SGCZ: variants seen among roughly 807,000 people sequenced by gnomAD.
SGCZ encodes the protein zeta-sarcoglycan.
In SGCZ, 40 loss-of-function variants were observed where a neutral mutation model predicts 41.3. The ratio of observed to expected loss-of-function variants is 0.97; its 90% CI spans 0.75 to 1.26. The LOEUF (loss-of-function observed/expected upper bound fraction) is 1.26. Ranked by LOEUF, SGCZ falls within the 50% of genes most tolerant of loss-of-function variation. The pLI, the probability that SGCZ is intolerant of heterozygous loss-of-function variation, is 0.00. For missense variants in SGCZ, 552 were observed against 369.8 expected, an observed-to-expected ratio of 1.49 and a Z score of -4.04; for synonymous variants, 206 against 137.5, an observed-to-expected ratio of 1.50 and a Z score of -3.49.
chr8:14,474,320 C>A (rs1169527701), intron 2 of SGCZ, among the ~76,000 whole-genome samples: 1 of 152,164 alleles, frequency 6.6e-6, no homozygotes, highest in Admixed American at 6.5e-5. Context: ...TTTTAAAAAT[C>A]TTAAAAATCC....
chr8:14,450,495 T>C (rs886413210), intron 2 of SGCZ, among the ~76,000 whole-genome samples: 1 of 152,210 alleles, frequency 6.6e-6, no homozygotes, highest in Non-Finnish European at 1.5e-5. Flanking sequence ...TACAGTCATA[T>C]GCCTTATCGA....
chr8:14,501,973 C>T (rs1374730641), intron 2 of SGCZ, among the ~76,000 whole-genome samples: 1 of 151,750 alleles, frequency 6.6e-6, no homozygotes, highest in African/African-American at 2.4e-5. Flanking sequence ...AAGTATAATC[C>T]ATAATCATTT....
chr8:14,292,047 G>A (rs1247264435), intron 3 of SGCZ, among the ~76,000 whole-genome samples: 2 of 152,000 alleles, frequency 1.3e-5, no homozygotes, highest in African/African-American at 4.8e-5. Flanking sequence ...GTAATAGGTG[G>A]AAGCTTCTTT....
At chr8:14,998,655 A>G (rs1802303670) in intron 1 of SGCZ, among the ~76,000 whole-genome samples, 1 of 152,244 alleles carries the variant, frequency 6.6e-6, no homozygotes, top group South Asian at 2.1e-4. Context: ...GAATTTTACT[A>G]GGTATAAATG....
chr8:14,701,360 G>A (rs890923301), intron 1 of SGCZ, among the ~76,000 whole-genome samples: 1 of 151,896 alleles, frequency 6.6e-6, no homozygotes, highest in African/African-American at 2.4e-5. Flanking sequence ...TCTCCCCTGA[G>A]TGGTGAGAAT....
chr8:14,199,478 T>C (rs1805385581), intron 4 of SGCZ, among the ~76,000 whole-genome samples: 1 of 152,158 alleles, frequency 6.6e-6, no homozygotes, highest in African/African-American at 2.4e-5. Flanking sequence ...ATTTGCCTTG[T>C]GATATTTTAT....
At chr8:14,849,066 C>T (rs189948348) in intron 1 of SGCZ, among the ~76,000 whole-genome samples, 40 of 151,960 alleles carry the variant, frequency 2.6e-4, no homozygotes, top group African/African-American at 8.4e-4. Context: ...GGAAAATAAA[C>T]GTGAGGAAAG....
chr8:14,901,453 GT>G (rs1563350117), intron 1 of SGCZ, among the ~76,000 whole-genome samples: 1 of 152,074 alleles, frequency 6.6e-6, no homozygotes, highest in Non-Finnish European at 1.5e-5. Context: ...AGGCGTATAC[GT>G]TTTTCCTTTC....
At chr8:15,170,008 G>A (rs1024523526) in intron 1 of SGCZ, among the ~76,000 whole-genome samples, 2 of 152,114 alleles carry the variant, frequency 1.3e-5, no homozygotes, top group African/African-American at 4.8e-5. Flanking sequence ...TTGTGGCCAG[G>A]AAAAAGGACA....
At chr8:14,830,351 G>A (rs1255638787) in intron 1 of SGCZ, among the ~76,000 whole-genome samples, 1 of 151,838 alleles carries the variant, frequency 6.6e-6, no homozygotes, top group Admixed American at 6.6e-5. Context: ...GAAGTACTCT[G>A]TATGACATCA....
At chr8:14,648,246 C>T (rs1055123911) in intron 1 of SGCZ, among the ~76,000 whole-genome samples, 21 of 152,176 alleles carry the variant, frequency 1.4e-4, no homozygotes, top group African/African-American at 4.6e-4. Flanking sequence ...TTAGTACTAT[C>T]GGTAACCAAG....
rs1236875094 is a variant in SGCZ at position 14,831,627 on chromosome 8, C to A, written c.40-276701G>T. Among the ~76,000 whole-genome samples, 9 of 127,994 alleles carry A rather than the reference C, an allele frequency of 7.0e-5. No individual in the cohort carries two copies. In the Admixed American group the frequency reaches 7.1e-4, roughly 10 times the overall value. The allele number at this position is 127,994 out of a possible 152,430, so 84.0% of individuals were successfully genotyped here. On this transcript the variant is annotated intron_variant, in intron 1 of 7. Transcript: ENST00000382080. ...GTGTGTGTGTGTGTGTACACATAGA[C>A]ACATATGTGTGTGTGTGTATATATA...
At chr8:14,338,184 A>G (rs145533192) in intron 2 of SGCZ, among the ~76,000 whole-genome samples, 10 of 152,262 alleles carry the variant, frequency 6.6e-5, no homozygotes, top group Non-Finnish European at 1.3e-4. Flanking sequence ...AGTAAATGGA[A>G]AAGTGCAGTC....
chr8:14,601,580 C>T lies in SGCZ; in HGVS notation c.40-46654G>A, dbSNP rs780262923. ...TTTCTTCCCTGAACCTGTTCTAATA[C>T]GTAGAGCATACAAGTTGGTAGTTGG... On this transcript the variant is annotated intron_variant, in intron 1 of 7. Coordinates refer to ENST00000382080, the MANE Select transcript of SGCZ (RefSeq NM_139167.4). 2.0e-5 allele frequency among the ~76,000 whole-genome samples: 3 copies of T among 151,980 alleles called. No individual in the cohort carries two copies. In the East Asian group the frequency reaches 5.8e-4, roughly 29 times the overall value.
chr8:14,850,368 A>T (rs1048294933), intron 1 of SGCZ, among the ~76,000 whole-genome samples: 3 of 152,192 alleles, frequency 2.0e-5, no homozygotes, highest in African/African-American at 7.2e-5. Flanking sequence ...AAACATTAGC[A>T]TACAGTATTG....
At chr8:14,398,888 T>C (rs1444135217) in intron 2 of SGCZ, among the ~76,000 whole-genome samples, 2 of 152,122 alleles carry the variant, frequency 1.3e-5, no homozygotes, top group African/African-American at 4.8e-5. Flanking sequence ...TTCATTCCAG[T>C]GTTTCTTTGG....
chr8:14,834,205 A>C (rs1391541945), intron 1 of SGCZ, among the ~76,000 whole-genome samples: 1 of 152,216 alleles, frequency 6.6e-6, no homozygotes, highest in Non-Finnish European at 1.5e-5. Flanking sequence ...TCCTTAAAGA[A>C]ATTCCTGATG....
At chr8:15,099,559 C>T (rs1278892895) in intron 1 of SGCZ, among the ~76,000 whole-genome samples, 4 of 152,066 alleles carry the variant, frequency 2.6e-5, no homozygotes, top group Admixed American at 6.6e-5. Context: ...AATTCACTAC[C>T]GGCTCTGCAA....
intron 2 of SGCZ, among the ~76,000 whole-genome samples, chr8:14,434,365 T>A (rs1231689407): frequency 6.6e-6 from 1 of 152,208 alleles, no homozygotes; most frequent in African/African-American, 2.4e-5. Context: ...TTTGGGTGAC[T>A]GTGGCCTTAT....
Sources: allele counts gnomAD v4.1 joint callset (sites outside exome capture counted in the v4.1 genomes callset), GRCh38; gene constraint gnomAD v4.1.1; transcripts MANE v1.5; gene names NCBI Gene and HGNC (gene_info 2026-07-23, HGNC 2026-07-21).